Variants in TMEM178B observed in about 807,000 individuals in gnomAD.
The protein encoded by TMEM178B is transmembrane protein 178B.
In TMEM178B, 5 loss-of-function variants were observed where a neutral mutation model predicts 31.0. The ratio of observed to expected loss-of-function variants is 0.16; its 90% CI spans 0.08 to 0.34. The LOEUF is 0.34. TMEM178B is among the 10% of genes least tolerant of loss of function. The probability of loss-of-function intolerance (pLI) is 1.00; values close to 1 mark genes in which losing one functional copy is unlikely to be tolerated. For synonymous variants in TMEM178B, 164 were observed against 164.0 expected (o/e 1.00, Z 0.00); for missense variants, 275 against 400.3 (o/e 0.69, Z 2.67).
chr7:141,310,178 A>G (rs891485098), intron 2 of TMEM178B, among the ~76,000 whole-genome samples: 10 of 152,212 alleles, frequency 6.6e-5, no homozygotes, highest in Non-Finnish European at 1.0e-4. Context: ...AATTTTTGCA[A>G]TCTATCCATC....
At chr7:141,445,552 T>G (rs1801737476) in intron 3 of TMEM178B, among the ~76,000 whole-genome samples, 1 of 152,146 alleles carries the variant, frequency 6.6e-6, no homozygotes, top group Admixed American at 6.5e-5. Flanking sequence ...TAATATAAGT[T>G]CAGGAGGCAT....
At position 141,370,463 on chromosome 7, in the gene TMEM178B, A is replaced by C. The variant is rs376206406; in HGVS notation, c.497-67145A>C. On this transcript the variant is annotated intron_variant, in intron 2 of 3. Coordinates refer to ENST00000565468, the MANE Select transcript of TMEM178B (RefSeq NM_001195278.2). ...GCCTTCAAAGAGCTTTTAATCCAGC[A>C]AAAGAGACTAATATATGCAACACGT... is the stretch of plus-strand genomic sequence containing the variant. Among the ~76,000 whole-genome samples the C allele has an allele frequency of 3.9e-5, 6 of 152,364 alleles. No individual in the cohort carries two copies. In the South Asian group the frequency reaches 1.2e-3, roughly 32 times the overall value.
intron 2 of TMEM178B, among the ~76,000 whole-genome samples, chr7:141,399,195 C>G (rs1264505738): frequency 6.6e-6 from 1 of 152,240 alleles, no homozygotes; most frequent in Admixed American, 6.5e-5. Flanking sequence ...CACATCCCCA[C>G]TCAGACCTTG....
the TMEM178B span, among the ~76,000 whole-genome samples, chr7:141,495,863 G>A: frequency 2.0e-5 from 3 of 152,208 alleles, no homozygotes; most frequent in Non-Finnish European, 4.4e-5. Flanking sequence ...AGGTATGTGA[G>A]TTTGTCCTTA....
chr7:141,125,607 G>T (rs372177555), intron 1 of TMEM178B, among the ~76,000 whole-genome samples: 16 of 151,280 alleles, frequency 1.1e-4, no homozygotes, highest in East Asian at 9.8e-4. Context: ...CTGAACCCAG[G>T]AGGTGGGGGT....
At chr7:141,324,453 T>C (rs1407914340) in intron 2 of TMEM178B, among the ~76,000 whole-genome samples, 1 of 119,444 alleles carries the variant, frequency 8.4e-6, no homozygotes, top group African/African-American at 3.3e-5. Context: ...TTTTTTTTTT[T>C]CCTGAGCGAT....
rs182492985 is a variant in TMEM178B, at chr7:141,396,376, C to T, written c.497-41232C>T. On this transcript the variant is annotated intron_variant, in intron 2 of 3. Transcript: ENST00000565468. Reference sequence around the variant, plus strand: ...CCCATGCCTACTCCCACCTGCCACTCGCCTGCCTTTTTCCCAAAGGCGCCC... The same window carrying T: ...CCCATGCCTACTCCCACCTGCCACTTGCCTGCCTTTTTCCCAAAGGCGCCC... Among the ~76,000 whole-genome samples, 275 of 152,358 alleles carry T rather than the reference C, an allele frequency of 1.8e-3. 2 individuals are homozygous for T. The highest frequency in any genetic ancestry group is 6.3e-3 in the African/African-American group (263 of 41,582).
intron 1 of TMEM178B, among the ~76,000 whole-genome samples, chr7:141,210,664 C>G (rs980179222): frequency 1.3e-5 from 2 of 152,162 alleles, no homozygotes; most frequent in Admixed American, 6.5e-5. Context: ...CTGGACAGAG[C>G]CATGGGCAGC....
chr7:141,291,869 T>G (rs1169548464), intron 2 of TMEM178B, among the ~76,000 whole-genome samples: 1 of 151,966 alleles, frequency 6.6e-6, no homozygotes, highest in African/African-American at 2.4e-5. Flanking sequence ...CCTTTTCTCT[T>G]CACCTAAATG....
chr7:141,464,724 G>GC lies in TMEM178B; in HGVS notation c.635-5810dup, dbSNP rs562892729. ...TGTTCTGCATACTAGGGCGCCCACA[G>GC]CCACAGGAATGTCTCCCTCCTTCCC... On this transcript the variant is annotated intron_variant, in intron 3 of 3. Transcript: ENST00000565468. Among the ~76,000 whole-genome samples, 6 of 152,240 alleles carry GC rather than the reference G, an allele frequency of 3.9e-5. No individual in the cohort carries two copies. The South Asian group carries it at 1.0e-3, about 26-fold the overall frequency.
intron 2 of TMEM178B, among the ~76,000 whole-genome samples, chr7:141,427,147 C>G (rs551617452): frequency 6.6e-6 from 1 of 152,278 alleles, no homozygotes; most frequent in African/African-American, 2.4e-5. Flanking sequence ...CCAAAGCAAT[C>G]TAGAATTCAG....
rs116464470 is a variant in TMEM178B, at chr7:141,106,742, A to G, written c.382+32050A>G. ...ATCTTCACTCCTGGATAAACTATGT[A>G]TATTCTAATTGTTACTTTTAGTAAT... On this transcript the variant is annotated intron_variant, in intron 1 of 3. Coordinates refer to ENST00000565468, the MANE Select transcript of TMEM178B (RefSeq NM_001195278.2). Among the ~76,000 whole-genome samples, 1,165 of 152,312 alleles carry G rather than the reference A, an allele frequency of 7.6e-3. 12 individuals are homozygous for G. The highest frequency in any genetic ancestry group is 0.026 in the African/African-American group (1,078 of 41,562).
At chr7:141,406,449 T>C (rs918069474) in intron 2 of TMEM178B, among the ~76,000 whole-genome samples, 2 of 152,200 alleles carry the variant, frequency 1.3e-5, no homozygotes, top group African/African-American at 4.8e-5. Flanking sequence ...TGCCCATAAA[T>C]CCTAAGGACT....
chr7:141,340,194 G>A (rs956145836), intron 2 of TMEM178B, among the ~76,000 whole-genome samples: 1 of 152,184 alleles, frequency 6.6e-6, no homozygotes, highest in South Asian at 2.1e-4. Context: ...ACTGGAAAAG[G>A]CAAGGAAACA....
intron 2 of TMEM178B, among the ~76,000 whole-genome samples, chr7:141,222,979 A>T (rs1296199835): frequency 6.6e-6 from 1 of 152,216 alleles, no homozygotes; most frequent in Non-Finnish European, 1.5e-5. Context: ...CTAAAAGAAG[A>T]TTTATGTACT....
chr7:141,199,096 A>T lies in TMEM178B; in HGVS notation c.383-13495A>T, dbSNP rs147718537. Reference sequence around the variant, plus strand: ...GATGGGCCATGAGGGGCACAGACGGAGACAGCTCATTCTTTATTTCCTCTT... The same window carrying T: ...GATGGGCCATGAGGGGCACAGACGGTGACAGCTCATTCTTTATTTCCTCTT... On this transcript the variant is annotated intron_variant, in intron 1 of 3. Coordinates refer to ENST00000565468, the MANE Select transcript of TMEM178B (RefSeq NM_001195278.2). 6.8e-4 allele frequency among the ~76,000 whole-genome samples: 104 copies of T among 152,374 alleles called. No individual in the cohort carries two copies. The East Asian group carries it at 7.5e-3, about 11-fold the overall frequency.
At chr7:141,433,783 C>G (rs1464787148) in intron 2 of TMEM178B, among the ~76,000 whole-genome samples, 2 of 152,208 alleles carry the variant, frequency 1.3e-5, no homozygotes, top group Non-Finnish European at 2.9e-5. Flanking sequence ...GTTGTTGCAG[C>G]TTCCCTGAGT....
At chr7:141,315,894 A>G (rs1174532627) in intron 2 of TMEM178B, among the ~76,000 whole-genome samples, 2 of 152,138 alleles carry the variant, frequency 1.3e-5, no homozygotes, top group Admixed American at 1.3e-4. Context: ...TTCCCTCCCA[A>G]CTTCCCATCA....
At position 141,160,775 on chromosome 7, in the gene TMEM178B, C is replaced by T. The variant is rs569452625; in HGVS notation, c.383-51816C>T. Among the ~76,000 whole-genome samples the T allele has an allele frequency of 3.9e-4, 60 of 152,240 alleles. 1 individual carries two copies. The highest frequency in any genetic ancestry group is 1.2e-3 in the East Asian group (6 of 5,176). ...CTTGTGCTCAGTGATGGGAACTGGT[C>T]GGATGTGGGATTAACACAATTAATT... On this transcript the variant is annotated intron_variant, in intron 1 of 3. Transcript: ENST00000565468.
Sources: allele counts gnomAD v4.1 joint callset (sites outside exome capture counted in the v4.1 genomes callset), GRCh38; gene constraint gnomAD v4.1.1; transcripts MANE v1.5; gene names NCBI Gene and HGNC (gene_info 2026-07-23, HGNC 2026-07-21).